Variants in PRKAR1A observed in about 807,000 individuals in gnomAD.
The protein encoded by PRKAR1A is protein kinase cAMP-dependent type I regulatory subunit alpha.
A neutral mutation model predicts 52.0 loss-of-function variants in PRKAR1A; 3 were observed. The ratio of observed to expected loss-of-function variants is 0.06; its 90% confidence interval spans 0.03 to 0.15. PRKAR1A has a LOEUF of 0.15. Ranked by LOEUF, PRKAR1A falls within the 10% of genes least tolerant of loss-of-function variation. The pLI is 1.00. For synonymous variants in PRKAR1A, 188 were observed against 168.4 expected (o/e 1.12, Z -0.90); for missense variants, 240 against 477.4 (o/e 0.50, Z 4.63).
intron 1 of PRKAR1A, among the ~76,000 whole-genome samples, chr17:68,514,530 C>T (rs886342249): frequency 3.3e-5 from 5 of 152,146 alleles, no homozygotes; most frequent in Admixed American, 1.3e-4. Context: ...TACCATAATT[C>T]GAATCCTCTA....
chr17:68,547,476 A>G (rs1400844639), intron 11 of PRKAR1A, among the ~76,000 whole-genome samples: 1 of 152,224 alleles, frequency 6.6e-6, no homozygotes, highest in Non-Finnish European at 1.5e-5. Context: ...TAGTGTAGCT[A>G]CGTTCATCAA....
chr17:68,420,377 A>G, the PRKAR1A span: 14 of 1,614,088 alleles, frequency 8.7e-6, no homozygotes, highest in African/African-American at 1.3e-5. Flanking sequence ...CAACGACAAC[A>G]TCTCCAGCGC....
the PRKAR1A span, among the ~76,000 whole-genome samples, chr17:68,414,719 T>G: frequency 2.6e-5 from 4 of 152,212 alleles, no homozygotes; most frequent in Non-Finnish European, 5.9e-5. Flanking sequence ...CTGCTTGTTA[T>G]TGGTTTGTTC....
chr17:68,453,159 C>A, the PRKAR1A span, among the ~76,000 whole-genome samples: 1 of 151,004 alleles, frequency 6.6e-6, no homozygotes. Context: ...TCTTGACAGG[C>A]AGGAAGAGCA....
the PRKAR1A span, chr17:68,457,308 C>T: frequency 1.3e-6 from 2 of 1,538,700 alleles, no homozygotes; most frequent in East Asian, 2.6e-5. Flanking sequence ...ACTCTGTCCC[C>T]CACCTCCCTG....
chr17:68,426,810 C>T, the PRKAR1A span, among the ~76,000 whole-genome samples: 1 of 152,224 alleles, frequency 6.6e-6, no homozygotes, highest in Non-Finnish European at 1.5e-5. Flanking sequence ...GCTGGGATTA[C>T]AGGTGTGAGC....
At chr17:68,507,261 A>G (rs1044029963), upstream of PRKAR1A, among the ~76,000 whole-genome samples, 2 of 152,264 alleles carry the variant, frequency 1.3e-5, no homozygotes, top group Non-Finnish European at 2.9e-5. Context: ...ATGCCCATCA[A>G]TGATAGACTG....
chr17:68,414,995 T>C, the PRKAR1A span, among the ~76,000 whole-genome samples: 3 of 152,188 alleles, frequency 2.0e-5, no homozygotes, highest in Non-Finnish European at 4.4e-5. Context: ...TTGTGTTTCA[T>C]TTATCTTTTT....
chr17:68,464,947 A>G, the PRKAR1A span, among the ~76,000 whole-genome samples: 1,625 of 145,004 alleles, frequency 0.011, 20 homozygotes, highest in Non-Finnish European at 0.013. Flanking sequence ...TTTTTTTTAG[A>G]CGGAGTCTTG....
the PRKAR1A span, among the ~76,000 whole-genome samples, chr17:68,438,285 C>T: frequency 2.6e-5 from 4 of 152,138 alleles, no homozygotes; most frequent in Non-Finnish European, 5.9e-5. Context: ...TCATTCCTGG[C>T]CCCAGCCTTA....
At chr17:68,417,774 G>A in the PRKAR1A span, among the ~76,000 whole-genome samples, 1 of 96,422 alleles carries the variant, frequency 1.0e-5, no homozygotes, top group Non-Finnish European at 1.9e-5. Flanking sequence ...TTGAGATGGA[G>A]TCTCACATTG....
chr17:68,457,283 C>T, the PRKAR1A span: 4 of 1,525,686 alleles, frequency 2.6e-6, no homozygotes, highest in Non-Finnish European at 3.5e-6. Flanking sequence ...CAGGACGACA[C>T]CCCTGGGTCC....
the PRKAR1A span, chr17:68,448,157 T>C: frequency 1.3e-5 from 2 of 152,296 alleles, no homozygotes; most frequent in Admixed American, 6.5e-5. Context: ...CTTGGGCCTT[T>C]ATCATTTCCC....
intron 11 of PRKAR1A, among the ~76,000 whole-genome samples, chr17:68,543,919 G>A (rs1371432239): frequency 6.6e-6 from 1 of 152,188 alleles, no homozygotes; most frequent in Non-Finnish European, 1.5e-5. Flanking sequence ...GAGGAGACAG[G>A]CTTCTTGCAA....
intron 11 of PRKAR1A, among the ~76,000 whole-genome samples, chr17:68,544,268 C>T (rs540392335): frequency 2.2e-4 from 34 of 152,148 alleles, no homozygotes; most frequent in Admixed American, 7.2e-4. Flanking sequence ...GAAACACAGC[C>T]GGATCATGAG....
the PRKAR1A span, chr17:68,427,283 G>A: frequency 1.3e-6 from 2 of 1,549,672 alleles, no homozygotes; most frequent in Admixed American, 1.7e-5. Context: ...GGAGGTGAAA[G>A]AAAAAAGAAA....
chr17:68,547,416 G>C (rs183221303), intron 11 of PRKAR1A, among the ~76,000 whole-genome samples: 14 of 152,270 alleles, frequency 9.2e-5, no homozygotes, highest in African/African-American at 3.1e-4. Context: ...GTCCCAGATG[G>C]TATCTTCTTC....
intron 11 of PRKAR1A, chr17:68,541,575 G>T (rs758091017): frequency 9.7e-5 from 19 of 196,380 alleles, no homozygotes; most frequent in Non-Finnish European, 1.8e-4. Flanking sequence ...TGGGGATACA[G>T]CAGTGAGGTC....
intron 7 of PRKAR1A, among the ~76,000 whole-genome samples, chr17:68,526,638 G>T (rs1196597414): frequency 2.0e-5 from 3 of 152,272 alleles, no homozygotes; most frequent in African/African-American, 7.2e-5. Context: ...TAGAGCTGGA[G>T]GCCATTTTTC....
Sources: allele counts gnomAD v4.1 joint callset (sites outside exome capture counted in the v4.1 genomes callset), GRCh38; gene constraint gnomAD v4.1.1; transcripts MANE v1.5; gene names NCBI Gene and HGNC (gene_info 2026-07-23, HGNC 2026-07-21).